Variants in ATXN1 observed in about 807,000 individuals in gnomAD.
ATXN1 encodes the protein ataxin-1.
Under a neutral mutation model 56.4 loss-of-function variants are expected in ATXN1, and 8 were observed. The observed-to-expected ratio is 0.14, with a 90% CI of 0.08 to 0.26. ATXN1 has a LOEUF of 0.26. Among genes scored for constraint, ATXN1 ranks in the 10% least tolerant of loss-of-function variants. The pLI, the probability that ATXN1 is intolerant of heterozygous loss-of-function variation, is 1.00. For synonymous variants in ATXN1, 514 were observed against 494.6 expected, an observed-to-expected ratio of 1.04 and a Z score of -0.52; for missense variants, 987 against 1,106.5, an observed-to-expected ratio of 0.89 and a Z score of 1.53.
rs902029952 is a variant in ATXN1, at chr6:16,302,995, G to A, written c.*3334C>T. The A allele has an allele frequency of 2.0e-5, 3 of 152,654 alleles. No homozygotes were observed. Among genetic ancestry groups the A allele is most frequent in the African/African-American group, 4.8e-5 (2 of 41,452 alleles). 9.5% of individuals were successfully genotyped at this position (152,654 alleles called of 1,614,324 possible). A position where few individuals can be genotyped will look rare whatever the true frequency, so the allele number is the denominator to read the frequency against. ...TCTGTGCGTTCTTCCTATTTGAAGA[G>A]AAAGCTGCCACAAGGGAGTGGTGAC... is the stretch of plus-strand genomic sequence containing the variant. On this transcript the variant is annotated 3_prime_UTR_variant, in exon 8 of 8. Coordinates refer to ENST00000436367, the MANE Select transcript of ATXN1 (RefSeq NM_001128164.2).
chr6:16,643,245 C>G (rs972745115), intron 3 of ATXN1, among the ~76,000 whole-genome samples: 28 of 149,914 alleles, frequency 1.9e-4, no homozygotes, highest in African/African-American at 6.4e-4. Flanking sequence ...AAGCAAGACT[C>G]CCAACTCAAA....
intron 6 of ATXN1, among the ~76,000 whole-genome samples, chr6:16,401,878 G>A (rs9370891): frequency 0.38 from 58,418 of 151,976 alleles, 11,713 homozygotes; most frequent in South Asian, 0.53. Flanking sequence ...CCGAGACTGA[G>A]CAATTTACAA....
At chr6:16,588,230 G>T (rs561119570) in intron 3 of ATXN1, among the ~76,000 whole-genome samples, 1 of 151,964 alleles carries the variant, frequency 6.6e-6, no homozygotes, top group Non-Finnish European at 1.5e-5. Flanking sequence ...CCCCTAACAC[G>T]TCTCCCCGCG....
chr6:16,431,559 A>G (rs1235487345), intron 6 of ATXN1, among the ~76,000 whole-genome samples: 4 of 152,226 alleles, frequency 2.6e-5, no homozygotes, highest in African/African-American at 9.7e-5. Context: ...AAACTCGAGT[A>G]TAATTTTGAA....
intron 6 of ATXN1, among the ~76,000 whole-genome samples, chr6:16,452,337 G>T (rs563863505): frequency 6.6e-6 from 1 of 152,310 alleles, no homozygotes; most frequent in African/African-American, 2.4e-5. Flanking sequence ...ATACGGTTCA[G>T]AATTCATAAC....
At chr6:16,714,063 G>A (rs1391821440) in intron 2 of ATXN1, among the ~76,000 whole-genome samples, 4 of 151,858 alleles carry the variant, frequency 2.6e-5, no homozygotes, top group African/African-American at 9.7e-5. Context: ...GGTTGAGGCA[G>A]AGAATCACTT....
chr6:16,415,593 C>G (rs1317511173), intron 6 of ATXN1, among the ~76,000 whole-genome samples: 1 of 152,192 alleles, frequency 6.6e-6, no homozygotes, highest in Admixed American at 6.5e-5. Context: ...AATAGGGCTT[C>G]GCATAAAACC....
At chr6:16,335,613 A>AG (rs1761103348) in intron 6 of ATXN1, among the ~76,000 whole-genome samples, 1 of 152,256 alleles carries the variant, frequency 6.6e-6, no homozygotes, top group African/African-American at 2.4e-5. Flanking sequence ...GTTGAATGGT[A>AG]GATCCCTAAA....
intron 3 of ATXN1, among the ~76,000 whole-genome samples, chr6:16,609,686 T>C (rs1042059199): frequency 1.3e-5 from 2 of 152,238 alleles, no homozygotes; most frequent in African/African-American, 4.8e-5. Flanking sequence ...CCTCCCATCA[T>C]TCAATGATGA....
chr6:16,435,196 T>C (rs1759364236), intron 6 of ATXN1, among the ~76,000 whole-genome samples: 1 of 152,110 alleles, frequency 6.6e-6, no homozygotes, highest in Admixed American at 6.5e-5. Context: ...ACTTTGAACG[T>C]GCTGAGTTCA....
intron 4 of ATXN1, among the ~76,000 whole-genome samples, chr6:16,585,072 A>T (rs926811427): frequency 4.2e-5 from 6 of 143,370 alleles, no homozygotes; most frequent in African/African-American, 1.0e-4. Flanking sequence ...ATCACTATAT[A>T]AAAAAAAAAA....
At chr6:16,411,125 C>CAAAAAAAAAAAAAAAAA (rs746717153) in intron 6 of ATXN1, among the ~76,000 whole-genome samples, 10 of 80,626 alleles carry the variant, frequency 1.2e-4, no homozygotes, top group Non-Finnish European at 2.1e-4. Flanking sequence ...ACCTCTGTGT[C>CAAAAAAAAAAAAAAAAA]AAAAAAAAAA....
chr6:16,709,752 T>C (rs1759484903), intron 2 of ATXN1, among the ~76,000 whole-genome samples: 1 of 152,124 alleles, frequency 6.6e-6, no homozygotes, highest in East Asian at 1.9e-4. Context: ...CCCTAGTAAA[T>C]ATTATATAAA....
chr6:16,680,336 C>A (rs764747456), intron 2 of ATXN1, among the ~76,000 whole-genome samples: 1 of 152,118 alleles, frequency 6.6e-6, no homozygotes, highest in East Asian at 1.9e-4. Context: ...CCCCCTACCC[C>A]CCAAACATGT....
At chr6:16,739,695 G>A (rs1272133615) in intron 2 of ATXN1, 3 of 420,084 alleles carry the variant, frequency 7.1e-6, no homozygotes, top group Non-Finnish European at 1.5e-5. Flanking sequence ...ACAGACGTCA[G>A]ACTATGGGAC....
Position 16,714,181 on chromosome 6 carries a change from CCACACACACA to C in ATXN1, c.-615+39042_-615+39051del, listed in dbSNP as rs70999343. On this transcript the variant is annotated intron_variant, in intron 2 of 7. Transcript: ENST00000436367. ...AAAGAAAGAAAAAAAAAACCACACACCACACACACACACACACACACACACACACACACAC... is the reference window on the plus strand; with the variant it reads ...AAAGAAAGAAAAAAAAAACCACACACCACACACACACACACACACACACAC... Among the ~76,000 whole-genome samples the C allele has an allele frequency of 9.9e-3, 1,363 of 137,606 alleles. 26 individuals are homozygous for C. The highest frequency in any genetic ancestry group is 0.035 in the African/African-American group (1,281 of 37,100). The allele number at this position is 137,606 out of a possible 152,430, so 90.3% of individuals were successfully genotyped here. A position where few individuals can be genotyped will look rare whatever the true frequency, so the allele number is the denominator to read the frequency against.
rs796851451 is a variant in ATXN1 at position 16,590,671 on chromosome 6, C to CT, written c.-488-4765dup. ...ATAAAAATACTAAATTCATAACATT[C>CT]TTTTTTTTTTTTCTTTGAGACAAGT... On this transcript the variant is annotated intron_variant, in intron 3 of 7. Coordinates refer to ENST00000436367, the MANE Select transcript of ATXN1 (RefSeq NM_001128164.2). 5.7e-3 allele frequency among the ~76,000 whole-genome samples: 830 copies of CT among 145,146 alleles called. 5 individuals carry two copies. The highest frequency in any genetic ancestry group is 0.018 in the African/African-American group (723 of 39,768).
intron 7 of ATXN1, among the ~76,000 whole-genome samples, chr6:16,320,708 T>C (rs1359766009): frequency 6.6e-6 from 1 of 152,218 alleles, no homozygotes; most frequent in Non-Finnish European, 1.5e-5. Flanking sequence ...TGTTTCTGCA[T>C]TGGTTGTCTT....
intron 3 of ATXN1, among the ~76,000 whole-genome samples, chr6:16,645,758 C>G (rs1045327660): frequency 6.6e-6 from 1 of 152,196 alleles, no homozygotes; most frequent in Non-Finnish European, 1.5e-5. Flanking sequence ...AAAGGAGTTG[C>G]TCAGTAACTT....
Sources: gnomAD v4.1 joint callset for allele counts (sites outside exome capture counted in the v4.1 genomes callset) on GRCh38, gnomAD v4.1.1 for gene constraint, MANE v1.5 for transcripts, NCBI Gene and HGNC (gene_info 2026-07-23, HGNC 2026-07-21) for gene names.